SLC1A1: variants seen among roughly 807,000 people sequenced by gnomAD.
The protein encoded by SLC1A1 is solute carrier family 1 member 1.
Under a neutral mutation model 53.3 loss-of-function variants are expected in SLC1A1, and 43 were observed. The ratio of observed to expected loss-of-function variants is 0.81; its 90% CI spans 0.63 to 1.04. The LOEUF (loss-of-function observed/expected upper bound fraction) is 1.04. Ranked by LOEUF, SLC1A1 falls within the 50% of genes least tolerant of loss-of-function variation. SLC1A1 has a pLI of 0.00. For missense variants in SLC1A1, 748 were observed against 664.9 expected (o/e 1.12, Z -1.37); for synonymous variants, 307 against 243.2 (o/e 1.26, Z -2.44).
intron 6 of SLC1A1, among the ~76,000 whole-genome samples, chr9:4,570,700 C>G (rs1819949209): frequency 6.6e-6 from 1 of 152,044 alleles, no homozygotes; most frequent in African/African-American, 2.4e-5. Flanking sequence ...ATAGTTGGCA[C>G]CACTCAGTTA....
intron 1 of SLC1A1, among the ~76,000 whole-genome samples, chr9:4,528,468 C>T (rs1364618406): frequency 6.6e-6 from 1 of 152,048 alleles, no homozygotes; most frequent in Admixed American, 6.6e-5. Context: ...CCCAGCTACT[C>T]GGGAGACTGA....
intron 1 of SLC1A1, among the ~76,000 whole-genome samples, chr9:4,521,982 G>C (rs910890829): frequency 1.3e-5 from 2 of 151,332 alleles, no homozygotes; most frequent in Non-Finnish European, 2.9e-5. Flanking sequence ...GGATGCCCTT[G>C]CTAGGCCCAT....
intron 1 of SLC1A1, among the ~76,000 whole-genome samples, chr9:4,511,032 C>T (rs1452351427): frequency 2.0e-5 from 3 of 152,198 alleles, no homozygotes; most frequent in Non-Finnish European, 4.4e-5. Flanking sequence ...CAATACAACA[C>T]TCATAAGTTA....
chr9:4,585,711 G>T lies in SLC1A1; in HGVS notation c.*153G>T. 1 of 970,446 alleles carries T rather than the reference G, an allele frequency of 1.0e-6. No homozygotes were observed. The highest frequency in any genetic ancestry group is 1.5e-6 in the Non-Finnish European group (1 of 647,650). 60.1% of individuals were successfully genotyped at this position (970,446 alleles called of 1,614,324 possible). A position where few individuals can be genotyped will look rare whatever the true frequency, so the allele number is the denominator to read the frequency against. On this transcript the variant is annotated 3_prime_UTR_variant, in exon 12 of 12. Transcript: ENST00000262352. ...ATTATTTTCTATATTTGGATTCACA[G>T]CCTTTGCGCTCTGGGTTTTGGGATT...
intron 1 of SLC1A1, among the ~76,000 whole-genome samples, chr9:4,538,076 T>C (rs1209029909): frequency 6.6e-6 from 1 of 152,112 alleles, no homozygotes; most frequent in African/African-American, 2.4e-5. Context: ...AGGCCTGACA[T>C]ATAGTATGTG....
At chr9:4,530,274 T>C (rs974108829) in intron 1 of SLC1A1, among the ~76,000 whole-genome samples, 2 of 152,132 alleles carry the variant, frequency 1.3e-5, no homozygotes, top group African/African-American at 4.8e-5. Context: ...GTGGATAAAG[T>C]CTGGATAACT....
rs1374850335 is a variant in SLC1A1, at chr9:4,583,022, T to C, written c.1194-16T>C. ...GGTAAGTGTCTAACTCCTTTCCTGC[T>C]GGTATGTTTCTGCAGTATCACGGCC... On this transcript the variant is annotated splice_polypyrimidine_tract_variant and intron_variant, in intron 10 of 11. Coordinates refer to ENST00000262352, the MANE Select transcript of SLC1A1 (RefSeq NM_004170.6). This position sits in a 1 kb window ranked among gnomAD's most constrained non-coding sequence, Gnocchi z 4.6. 6.2e-7 allele frequency: 1 copy of C among 1,614,224 alleles called. No individual in the cohort carries two copies. The highest frequency in any genetic ancestry group is 1.3e-5 in the African/African-American group (1 of 75,060).
Position 4,585,921 on chromosome 9 carries a change from T to C in SLC1A1, c.*363T>C, listed in dbSNP as rs1821538676. ...AAGTGTTTTGGGTTTTTAAAAAAAA[T>C]ATTCTGTCATTGGTTACAAATTTTT... On this transcript the variant is annotated 3_prime_UTR_variant, in exon 12 of 12. Transcript: ENST00000262352. 1 of 199,370 alleles carries C rather than the reference T, an allele frequency of 5.0e-6. No individual in the cohort carries two copies. The highest frequency in any genetic ancestry group is 1.0e-5 in the Non-Finnish European group (1 of 96,622). The allele number at this position is 199,370 out of a possible 1,614,324, so 12.4% of individuals were successfully genotyped here. A position where few individuals can be genotyped will look rare whatever the true frequency, so the allele number is the denominator to read the frequency against.
At position 4,535,667 on chromosome 9, in the gene SLC1A1, C is replaced by A. The variant is rs538324774; in HGVS notation, c.92-8900C>A. On this transcript the variant is annotated intron_variant, in intron 1 of 11. Coordinates refer to ENST00000262352, the MANE Select transcript of SLC1A1 (RefSeq NM_004170.6). ...TTTATAGATTCAATGCCATCCCCAT[C>A]AAGCTACCAATGACTTTCTTCACAG... Among the ~76,000 whole-genome samples the A allele has an allele frequency of 3.9e-4, 59 of 152,214 alleles. 2 individuals carry two copies. In the South Asian group the frequency reaches 0.011, roughly 28 times the overall value.
At chr9:4,507,592 T>A (rs1426764481) in intron 1 of SLC1A1, among the ~76,000 whole-genome samples, 1 of 152,206 alleles carries the variant, frequency 6.6e-6, no homozygotes, top group African/African-American at 2.4e-5. Context: ...GGTGAACAGT[T>A]AGCAGTCAGG....
At chr9:4,551,554 G>C (rs905008330) in intron 2 of SLC1A1, among the ~76,000 whole-genome samples, 1 of 152,216 alleles carries the variant, frequency 6.6e-6, no homozygotes, top group Admixed American at 6.5e-5. Context: ...ATAAACATAG[G>C]TGGCTAAGAG....
chr9:4,545,299 A>G (rs761996824), intron 2 of SLC1A1, among the ~76,000 whole-genome samples: 12 of 151,640 alleles, frequency 7.9e-5, no homozygotes, highest in Non-Finnish European at 1.6e-4. Flanking sequence ...GCTTTGTCAT[A>G]TGCTGTGCCT....
intron 3 of SLC1A1, among the ~76,000 whole-genome samples, chr9:4,564,124 C>T (rs976263904): frequency 2.0e-5 from 3 of 152,174 alleles, no homozygotes; most frequent in Non-Finnish European, 4.4e-5. Flanking sequence ...CACGCACGCA[C>T]GCAAGCACAT....
chr9:4,583,878 T>TCACA lies in SLC1A1; in HGVS notation c.1328+707_1328+708insACAC, dbSNP rs1489831395. Among the ~76,000 whole-genome samples the TCACA allele has an allele frequency of 7.6e-6, 1 of 132,228 alleles. No individual in the cohort carries two copies. The highest frequency in any genetic ancestry group is 3.4e-5 in the African/African-American group (1 of 29,396). The allele number at this position is 132,228 out of a possible 152,430, so 86.7% of individuals were successfully genotyped here. On this transcript the variant is annotated intron_variant, in intron 11 of 11. Coordinates refer to ENST00000262352, the MANE Select transcript of SLC1A1 (RefSeq NM_004170.6). This position sits in a 1 kb window ranked among gnomAD's most constrained non-coding sequence, Gnocchi z 4.6. ...TTCTCTCTCTCTCTCTCTCTCTCTC[T>TCACA]CTCTCACACACACACACACACACAC...
chr9:4,502,644 C>A (rs1820676109), intron 1 of SLC1A1, among the ~76,000 whole-genome samples: 1 of 151,618 alleles, frequency 6.6e-6, no homozygotes, highest in African/African-American at 2.4e-5. Context: ...TAGCTGAGCA[C>A]ACAGAGCTAG....
At chr9:4,519,736 G>A (rs1815998890) in intron 1 of SLC1A1, among the ~76,000 whole-genome samples, 1 of 152,144 alleles carries the variant, frequency 6.6e-6, no homozygotes, top group East Asian at 1.9e-4. Flanking sequence ...AGTAACTTAT[G>A]TAAGGTCACA....
At chr9:4,538,397 A>G (rs1048690139) in intron 1 of SLC1A1, among the ~76,000 whole-genome samples, 1 of 152,238 alleles carries the variant, frequency 6.6e-6, no homozygotes, top group African/African-American at 2.4e-5. Flanking sequence ...AATGAGATAT[A>G]AAATTATCTT....
At chr9:4,574,060 T>C (rs1165686637) in intron 8 of SLC1A1, 46 bp downstream of exon 8, 5 of 1,264,290 alleles carry the variant, frequency 4.0e-6, no homozygotes, top group African/African-American at 2.9e-5. Flanking sequence ...TTTGATCTAA[T>C]AGGATGGCCG....
rs75261319 is a variant in SLC1A1, at chr9:4,521,067, T to G, written c.92-23500T>G. Among the ~76,000 whole-genome samples, 35 of 152,334 alleles carry G rather than the reference T, an allele frequency of 2.3e-4. 2 individuals are homozygous for G. In the East Asian group the frequency reaches 6.7e-3, roughly 29 times the overall value. On this transcript the variant is annotated intron_variant, in intron 1 of 11. Transcript: ENST00000262352. ...TATATGCTTACTGTCCATTTGTATA[T>G]CTTCATTGGAGAAATGTCTATTCAA...
Sources: gnomAD v4.1 joint callset for allele counts (sites outside exome capture counted in the v4.1 genomes callset) on GRCh38, gnomAD v4.1.1 for gene constraint, Gnocchi (gnomAD v3.1) non-coding constraint, MANE v1.5 for transcripts, NCBI Gene and HGNC (gene_info 2026-07-23, HGNC 2026-07-21) for gene names.